Variants in DENND1A observed in about 807,000 individuals in gnomAD.
DENND1A encodes DENN domain-containing protein 1A.
DENND1A carries 51 observed loss-of-function variants against 113.7 expected under a neutral mutation model. The ratio of observed to expected loss-of-function variants is 0.45; its 90% CI spans 0.36 to 0.57. The LOEUF is 0.57. DENND1A is among the 20% of genes least tolerant of loss of function. The probability of loss-of-function intolerance (pLI) is 0.00; values close to 1 mark genes in which losing one functional copy is unlikely to be tolerated. For missense variants in DENND1A, 1,258 were observed against 1,395.9 expected (o/e 0.90, Z 1.57); for synonymous variants, 565 against 570.8 (o/e 0.99, Z 0.14).
intron 12 of DENND1A, among the ~76,000 whole-genome samples, chr9:123,579,103 G>A (rs995019754): frequency 2.6e-5 from 4 of 152,198 alleles, no homozygotes; most frequent in Admixed American, 6.5e-5. Context: ...GTATCATGAA[G>A]GAGGGCTGAA....
At chr9:123,792,765 T>G in intron 2 of DENND1A, 135 bp from the exon 3 acceptor site, 2 of 864,320 alleles carry the variant, frequency 2.3e-6, no homozygotes, top group South Asian at 3.8e-5. Context: ...GCTGCTATGT[T>G]GATGAGCACA....
At chr9:123,517,668 GA>G (rs1304401709) in intron 13 of DENND1A, among the ~76,000 whole-genome samples, 3 of 151,976 alleles carry the variant, frequency 2.0e-5, no homozygotes, top group African/African-American at 7.3e-5. Flanking sequence ...AAAAAAACAA[GA>G]GGGGCACAGT....
At chr9:123,448,310 C>T (rs1167353335) in intron 18 of DENND1A, among the ~76,000 whole-genome samples, 1 of 152,134 alleles carries the variant, frequency 6.6e-6, no homozygotes, top group African/African-American at 2.4e-5. Context: ...TGGTTATTTG[C>T]AGAAATGTTA....
At chr9:123,614,416 A>G (rs145765539) in intron 10 of DENND1A, among the ~76,000 whole-genome samples, 467 of 152,322 alleles carry the variant, frequency 3.1e-3, no homozygotes, top group African/African-American at 0.011. Flanking sequence ...AAGCAAGAAT[A>G]TGGAAACTGC....
intron 18 of DENND1A, among the ~76,000 whole-genome samples, chr9:123,441,753 A>G (rs1163459632): frequency 2.6e-5 from 4 of 152,252 alleles, no homozygotes; most frequent in African/African-American, 9.6e-5. Context: ...CCAAATAAAA[A>G]TAACTCAGCC....
At chr9:123,693,973 G>A (rs1290680012) in intron 5 of DENND1A, among the ~76,000 whole-genome samples, 3 of 151,210 alleles carry the variant, frequency 2.0e-5, no homozygotes, top group South Asian at 4.2e-4. Context: ...GACTTCAGGC[G>A]TGTGCCACCG....
chr9:123,806,091 T>G lies in DENND1A; in HGVS notation c.89-13461A>C, dbSNP rs372975808. Among the ~76,000 whole-genome samples the G allele has an allele frequency of 1.3e-4, 19 of 151,536 alleles. No homozygotes were observed. In the East Asian group the frequency reaches 3.5e-3, roughly 28 times the overall value. ...GCCTCAGCCTCCCAAGTAGCTGGGA[T>G]TACAAGCACCCGCCACCATGCCTGG... On this transcript the variant is annotated intron_variant, in intron 2 of 23. Transcript: ENST00000394215.
intron 13 of DENND1A, among the ~76,000 whole-genome samples, chr9:123,521,738 G>T (rs1267026845): frequency 6.6e-6 from 1 of 152,186 alleles, no homozygotes; most frequent in African/African-American, 2.4e-5. Flanking sequence ...CACAGTGATT[G>T]TAAGACTGGG....
chr9:123,572,105 A>G lies in DENND1A; in HGVS notation c.867+11064T>C, dbSNP rs114983625. Among the ~76,000 whole-genome samples the G allele has an allele frequency of 6.0e-4, 92 of 152,294 alleles. 1 individual carries two copies. Among genetic ancestry groups the G allele is most frequent in the African/African-American group, 2.2e-3 (90 of 41,548 alleles). On this transcript the variant is annotated intron_variant, in intron 12 of 23. Coordinates refer to ENST00000394215, the MANE Select transcript of DENND1A (RefSeq NM_001352964.2). ...TCATATATCTATCACCACAATCAAG[A>G]TACAGACGGTCCATCATCCCCCAAA...
At chr9:123,609,769 T>C (rs1238753157) in intron 10 of DENND1A, among the ~76,000 whole-genome samples, 1 of 152,188 alleles carries the variant, frequency 6.6e-6, no homozygotes, top group Non-Finnish European at 1.5e-5. Context: ...TCAGTTGCCT[T>C]ATCTTTAAAA....
chr9:123,638,429 TCA>T (rs955826224), intron 9 of DENND1A, among the ~76,000 whole-genome samples: 1 of 152,124 alleles, frequency 6.6e-6, no homozygotes, highest in Non-Finnish European at 1.5e-5. Flanking sequence ...TACTAACTGA[TCA>T]CAGAGTCGGG....
intron 3 of DENND1A, among the ~76,000 whole-genome samples, chr9:123,777,880 A>C (rs1281897465): frequency 6.6e-6 from 1 of 152,220 alleles, no homozygotes. Context: ...ACGTCTCACT[A>C]AACAGTCATC....
intron 2 of DENND1A, among the ~76,000 whole-genome samples, chr9:123,862,800 A>AT (rs1845232582): frequency 6.6e-6 from 1 of 152,200 alleles, no homozygotes; most frequent in African/African-American, 2.4e-5. Flanking sequence ...AACTGGTCTT[A>AT]TTTTAAAGGA....
At chr9:123,454,804 C>A (rs1363117446) in intron 15 of DENND1A, 25 bp from the exon 16 acceptor site, 2 of 1,550,294 alleles carry the variant, frequency 1.3e-6, no homozygotes, top group East Asian at 4.9e-5. Flanking sequence ...TTCAGAGAAG[C>A]TGTCACTTAA....
chr9:123,516,132 AC>A (rs2053883094), intron 13 of DENND1A, among the ~76,000 whole-genome samples: 1 of 147,536 alleles, frequency 6.8e-6, no homozygotes, highest in Non-Finnish European at 1.5e-5. Context: ...ACACACACAC[AC>A]ACACACACAC....
At chr9:123,584,337 C>T (rs1358272402) in intron 11 of DENND1A, among the ~76,000 whole-genome samples, 1 of 152,244 alleles carries the variant, frequency 6.6e-6, no homozygotes, top group East Asian at 1.9e-4. Context: ...TACTGGTCAA[C>T]CTCTGAGCAT....
In DENND1A at chr9:123,674,340, TCTCACACACACACACA is replaced by T. The variant is rs1206464879; in HGVS notation, c.372+2364_372+2379del. Among the ~76,000 whole-genome samples, 40 of 127,818 alleles carry T rather than the reference TCTCACACACACACACA, an allele frequency of 3.1e-4. No individual in the cohort carries two copies. The East Asian group carries it at 7.2e-3, about 23-fold the overall frequency. 83.9% of individuals were successfully genotyped at this position (127,818 alleles called of 152,430 possible). A position where few individuals can be genotyped will look rare whatever the true frequency, so the allele number is the denominator to read the frequency against. ...CTCTCTGTCTCTGTCTCTGTCTCTC[TCTCACACACACACACA>T]CACACACACACACACACACACACAC... is the stretch of plus-strand genomic sequence containing the variant. On this transcript the variant is annotated intron_variant, in intron 6 of 23. Coordinates refer to ENST00000394215, the MANE Select transcript of DENND1A (RefSeq NM_001352964.2).
chr9:123,555,075 C>T (rs192082703), intron 13 of DENND1A, among the ~76,000 whole-genome samples: 24 of 152,332 alleles, frequency 1.6e-4, no homozygotes, highest in Admixed American at 1.2e-3. Flanking sequence ...TCTTCATCCT[C>T]TCCTAGGCTC....
At chr9:123,640,732 T>C (rs975660718) in intron 9 of DENND1A, among the ~76,000 whole-genome samples, 1 of 152,208 alleles carries the variant, frequency 6.6e-6, no homozygotes, top group African/African-American at 2.4e-5. Flanking sequence ...GGTCACCGGA[T>C]CTTTTTAACC....
Sources: allele counts gnomAD v4.1 joint callset (sites outside exome capture counted in the v4.1 genomes callset), GRCh38; gene constraint gnomAD v4.1.1; transcripts MANE v1.5; gene names NCBI Gene and HGNC (gene_info 2026-07-23, HGNC 2026-07-21).